The following DAAM1 variants were observed in gnomAD, a reference collection of about 807,000 sequenced individuals.
DAAM1 encodes dishevelled associated activator of morphogenesis 1.
In DAAM1, 52 loss-of-function variants were observed where a neutral mutation model predicts 130.0. That is an observed-to-expected ratio of 0.40 (90% CI 0.32 to 0.50). The LOEUF is 0.50. Ranked by LOEUF, DAAM1 falls within the 20% of genes least tolerant of loss-of-function variation. DAAM1 has a pLI of 0.61. For synonymous variants in DAAM1, 452 were observed against 444.5 expected (o/e 1.02, Z -0.21); for missense variants, 1,134 against 1,303.8 (o/e 0.87, Z 2.01).
intron 2 of DAAM1, among the ~76,000 whole-genome samples, chr14:59,282,229 C>G (rs1883253934): frequency 6.6e-6 from 1 of 152,072 alleles, no homozygotes; most frequent in African/African-American, 2.4e-5. Context: ...CCTGATTGTT[C>G]ATTGTGTTGA....
chr14:59,287,715 A>G (rs1883524389), intron 2 of DAAM1, among the ~76,000 whole-genome samples: 2 of 152,220 alleles, frequency 1.3e-5, no homozygotes, highest in Admixed American at 6.5e-5. Context: ...GAATATGCTT[A>G]TCAAAGAAGT....
At chr14:59,354,728 C>A (rs1017563576) in intron 19 of DAAM1, among the ~76,000 whole-genome samples, 8 of 152,330 alleles carry the variant, frequency 5.3e-5, no homozygotes, top group African/African-American at 1.9e-4. Context: ...AAGCTCTGAT[C>A]CCTGTTATGA....
chr14:59,338,573 G>A (rs1885715926), intron 15 of DAAM1, among the ~76,000 whole-genome samples: 1 of 152,114 alleles, frequency 6.6e-6, no homozygotes. Flanking sequence ...ACTCTTAAAT[G>A]AGTATCTAGA....
At chr14:59,211,818 G>T (rs1267809331) in intron 1 of DAAM1, among the ~76,000 whole-genome samples, 1 of 152,102 alleles carries the variant, frequency 6.6e-6, no homozygotes, top group African/African-American at 2.4e-5. Flanking sequence ...ATATAACACA[G>T]AATAATGATT....
At chr14:59,277,679 CTT>C (rs1883030715) in intron 2 of DAAM1, among the ~76,000 whole-genome samples, 1 of 151,964 alleles carries the variant, frequency 6.6e-6, no homozygotes, top group South Asian at 2.1e-4. Flanking sequence ...TTTCCTTTGA[CTT>C]TTAAAACTCT....
chr14:59,301,022 A>G (rs1428064223), intron 3 of DAAM1, among the ~76,000 whole-genome samples: 1 of 152,216 alleles, frequency 6.6e-6, no homozygotes, highest in African/African-American at 2.4e-5. Context: ...TTGCTCTTCA[A>G]AGTGGTTATA....
intron 1 of DAAM1, among the ~76,000 whole-genome samples, chr14:59,209,234 T>TAGCCAGCCTGCA (rs1324661089): frequency 7.1e-6 from 1 of 139,906 alleles, no homozygotes; most frequent in Non-Finnish European, 1.6e-5. Flanking sequence ...GCTTGCTGGA[T>TAGCCAGCCTGCA]GGCACCTTTT....
At chr14:59,323,499 C>A (rs1422476021) in intron 6 of DAAM1, among the ~76,000 whole-genome samples, 1 of 152,134 alleles carries the variant, frequency 6.6e-6, no homozygotes, top group African/African-American at 2.4e-5. Context: ...TTTGAACCCA[C>A]CAAACTGGGT....
intron 15 of DAAM1, among the ~76,000 whole-genome samples, chr14:59,339,497 C>T (rs1885761753): frequency 6.6e-6 from 1 of 152,160 alleles, no homozygotes; most frequent in Admixed American, 6.6e-5. Flanking sequence ...ATTGTTAGTT[C>T]AGGTAACTGA....
chr14:59,360,279 GATGAAA>G (rs1387348498), intron 21 of DAAM1, among the ~76,000 whole-genome samples: 1 of 152,122 alleles, frequency 6.6e-6, no homozygotes, highest in African/African-American at 2.4e-5. Flanking sequence ...TTAAAAAAAA[GATGAAA>G]ATAAAAACTA....
At chr14:59,345,148 C>T (rs1886021307) in intron 16 of DAAM1, among the ~76,000 whole-genome samples, 1 of 152,128 alleles carries the variant, frequency 6.6e-6, no homozygotes, top group Admixed American at 6.5e-5. Context: ...CCAGTTGAGG[C>T]CCTGATGCTG....
At chr14:59,255,998 T>A (rs1050527685) in intron 1 of DAAM1, among the ~76,000 whole-genome samples, 6 of 152,072 alleles carry the variant, frequency 3.9e-5, no homozygotes, top group African/African-American at 1.4e-4. Context: ...TGACTGCCAT[T>A]TCCACTAAAC....
At chr14:59,245,855 G>A (rs1881345969) in intron 1 of DAAM1, among the ~76,000 whole-genome samples, 1 of 152,168 alleles carries the variant, frequency 6.6e-6, no homozygotes, top group Admixed American at 6.5e-5. Flanking sequence ...AGAGTTGAGT[G>A]TAGTAAAGTG....
chr14:59,281,919 C>T (rs1883240729), intron 2 of DAAM1, among the ~76,000 whole-genome samples: 2 of 151,994 alleles, frequency 1.3e-5, no homozygotes, highest in African/African-American at 2.4e-5. Flanking sequence ...GGTCATTGTG[C>T]CTAGGCTCTC....
At chr14:59,206,120 G>A (rs1465184067) in intron 1 of DAAM1, among the ~76,000 whole-genome samples, 1 of 151,892 alleles carries the variant, frequency 6.6e-6, no homozygotes, top group Admixed American at 6.6e-5. Context: ...TCCCAAAGTT[G>A]CTGGGATTAC....
chr14:59,221,504 G>C (rs1457667126), intron 1 of DAAM1, among the ~76,000 whole-genome samples: 1 of 152,112 alleles, frequency 6.6e-6, no homozygotes, highest in African/African-American at 2.4e-5. Flanking sequence ...TATCTGGTCG[G>C]GTGGCTTAAA....
intron 1 of DAAM1, among the ~76,000 whole-genome samples, chr14:59,227,495 C>T (rs1292330792): frequency 6.6e-6 from 1 of 152,210 alleles, no homozygotes; most frequent in Non-Finnish European, 1.5e-5. Flanking sequence ...GTATGATTTG[C>T]AAGTTTAATT....
At chr14:59,320,377 G>A in intron 4 of DAAM1, 113 bp from the exon 5 acceptor site, 2 of 815,626 alleles carry the variant, frequency 2.5e-6, no homozygotes, top group Admixed American at 3.4e-5. Context: ...CTTAATCATA[G>A]ATTTGTTGTT....
At chr14:59,333,241 C>T (rs887582301) in intron 15 of DAAM1, among the ~76,000 whole-genome samples, 6 of 152,116 alleles carry the variant, frequency 3.9e-5, no homozygotes, top group African/African-American at 1.4e-4. Flanking sequence ...AGGCGGTTGC[C>T]TGCCATAGTG....
Sources: gnomAD v4.1 joint callset for allele counts (sites outside exome capture counted in the v4.1 genomes callset) on GRCh38, gnomAD v4.1.1 for gene constraint, MANE v1.5 for transcripts, NCBI Gene and HGNC (gene_info 2026-07-23, HGNC 2026-07-21) for gene names.